Variants in SPAG17 observed in about 807,000 individuals in gnomAD.
The protein encoded by SPAG17 is sperm-associated antigen 17.
In SPAG17, 169 loss-of-function variants were observed where a neutral mutation model predicts 273.6. The ratio of observed to expected loss-of-function variants is 0.62; its 90% CI spans 0.55 to 0.70. SPAG17 has a LOEUF of 0.70. Ranked by LOEUF, SPAG17 falls within the 30% of genes least tolerant of loss-of-function variation. The pLI, the probability that SPAG17 is intolerant of heterozygous loss-of-function variation, is 0.00. For synonymous variants in SPAG17, 825 were observed against 873.2 expected (o/e 0.94, Z 0.97); for missense variants, 2,557 against 2,627.8 (o/e 0.97, Z 0.59).
In SPAG17 at chr1:118,170,455, G is replaced by T. The variant is rs140620684; in HGVS notation, c.87+14616C>A. Among the ~76,000 whole-genome samples, 139 of 152,264 alleles carry T rather than the reference G, an allele frequency of 9.1e-4. 1 individual carries two copies. The highest frequency in any genetic ancestry group is 3.2e-3 in the African/African-American group (135 of 41,556). On this transcript the variant is annotated intron_variant, in intron 1 of 48. Coordinates refer to ENST00000336338, the MANE Select transcript of SPAG17 (RefSeq NM_206996.4). The stretch of plus-strand genomic sequence containing the variant: ...AGACATGCTTTAAGAGAGCCTCAAA[G>T]ATTGGATGGATGAGCAAGGAGTGGA...
intron 34 of SPAG17, 112 bp downstream of exon 34, chr1:117,996,258 G>C: frequency 1.5e-6 from 2 of 1,320,404 alleles, no homozygotes; most frequent in Non-Finnish European, 2.0e-6. Context: ...AAGTAGAGCA[G>C]AAAAGTGAGC....
intron 46 of SPAG17, 123 bp from the exon 47 acceptor site, chr1:117,966,876 G>T (rs528984955): frequency 3.1e-5 from 24 of 783,642 alleles, no homozygotes; most frequent in Non-Finnish European, 4.3e-5. Context: ...TATAAATTTG[G>T]CACTAACAAA....
chr1:118,004,712 GT>G (rs1264372312), intron 32 of SPAG17, among the ~76,000 whole-genome samples: 6 of 152,350 alleles, frequency 3.9e-5, no homozygotes, highest in Admixed American at 2.0e-4. Flanking sequence ...TCCAGGTACA[GT>G]TTGTCATGGT....
chr1:118,021,274 T>C (rs1177905621), intron 28 of SPAG17, among the ~76,000 whole-genome samples: 1 of 152,110 alleles, frequency 6.6e-6, no homozygotes, highest in Non-Finnish European at 1.5e-5. Flanking sequence ...CTTAAATGCA[T>C]ATTACTAAGT....
intron 26 of SPAG17, among the ~76,000 whole-genome samples, chr1:118,026,473 A>C (rs545488160): frequency 4.3e-4 from 66 of 152,348 alleles, no homozygotes; most frequent in African/African-American, 1.5e-3. Context: ...CACCCCTTAA[A>C]TCACAGAAGT....
rs763417657 is a variant in SPAG17 at position 117,996,430 on chromosome 1, AT to A, written c.4992del (p.Ser1665LeufsTer23). On this transcript the variant is annotated frameshift_variant, in exon 34 of 49. Coordinates refer to ENST00000336338, the MANE Select transcript of SPAG17 (RefSeq NM_206996.4). LOFTEE classifies it high-confidence loss of function. ...LLRDSDIEEY[L>X]SLAYKESNTV... ...GTATTTGATTCTTTATATGCCAAAG[AT>A]AGATATTCTTCTATGTCACTGTCTC... The A allele has an allele frequency of 3.7e-6, 6 of 1,613,040 alleles. No individual in the cohort carries two copies. Among genetic ancestry groups the A allele is most frequent in the Non-Finnish European group, 4.2e-6 (5 of 1,179,440 alleles).
chr1:118,075,221 C>A (rs531953472), intron 15 of SPAG17, among the ~76,000 whole-genome samples: 42 of 152,284 alleles, frequency 2.8e-4, no homozygotes, highest in Non-Finnish European at 4.1e-4. Flanking sequence ...ATAAATGAAG[C>A]GGTACCTGGA....
chr1:118,082,570 A>G (rs570927111), intron 13 of SPAG17, among the ~76,000 whole-genome samples: 35 of 152,186 alleles, frequency 2.3e-4, no homozygotes, highest in Admixed American at 3.9e-4. Context: ...GGCATCATTA[A>G]CTATAATGAA....
intron 13 of SPAG17, among the ~76,000 whole-genome samples, chr1:118,085,494 G>A (rs955282077): frequency 3.3e-5 from 5 of 152,208 alleles, no homozygotes; most frequent in African/African-American, 1.2e-4. Flanking sequence ...CATTGTCCTG[G>A]AAATTATATG....
Position 117,955,145 on chromosome 1 carries a change from G to A in SPAG17, c.*1-1096C>T. The A allele has an allele frequency of 1.2e-5, 6 of 517,138 alleles. No individual in the cohort carries two copies. In the South Asian group the frequency reaches 2.2e-4, roughly 19 times the overall value. The allele number at this position is 517,138 out of a possible 1,614,324, so 32.0% of individuals were successfully genotyped here. ...CATAGTTGGTAAGGGGCAGAGTTCAGTTGTCAACCCAGATCTGACTGACTC... is the reference window on the plus strand; with the variant it reads ...CATAGTTGGTAAGGGGCAGAGTTCAATTGTCAACCCAGATCTGACTGACTC... On this transcript the variant is annotated intron_variant, in intron 48 of 48. Coordinates refer to ENST00000336338, the MANE Select transcript of SPAG17 (RefSeq NM_206996.4).
chr1:118,101,322 G>A (rs1204681144), intron 5 of SPAG17, among the ~76,000 whole-genome samples: 2 of 152,206 alleles, frequency 1.3e-5, no homozygotes, highest in African/African-American at 4.8e-5. Context: ...GGGAGGCTGA[G>A]GTGGAAGGAT....
At chr1:118,099,538 T>G in intron 6 of SPAG17, 68 bp downstream of exon 6, 1 of 1,375,272 alleles carries the variant, frequency 7.3e-7, no homozygotes. Context: ...GACAGAAAAT[T>G]ATATTTGTAC....
chr1:118,118,025 T>A (rs773001513), intron 3 of SPAG17, among the ~76,000 whole-genome samples: 5 of 152,232 alleles, frequency 3.3e-5, no homozygotes, highest in Non-Finnish European at 5.9e-5. Context: ...ATTTCAAAAT[T>A]CTTTCTTCTG....
chr1:118,085,478 G>A (rs1328318234), intron 13 of SPAG17, among the ~76,000 whole-genome samples: 1 of 151,676 alleles, frequency 6.6e-6, no homozygotes, highest in East Asian at 2.0e-4. Flanking sequence ...GAAGACAGAA[G>A]GACAGCATTG....
At chr1:118,168,502 C>T (rs775560422) in intron 1 of SPAG17, among the ~76,000 whole-genome samples, 24 of 152,126 alleles carry the variant, frequency 1.6e-4, no homozygotes, top group Admixed American at 2.6e-4. Flanking sequence ...CATGAGGCTA[C>T]GGTAGTAACA....
chr1:118,079,620 AT>A (rs1654375573), intron 15 of SPAG17, among the ~76,000 whole-genome samples: 1 of 151,834 alleles, frequency 6.6e-6, no homozygotes, highest in African/African-American at 2.4e-5. Flanking sequence ...TTGATTTAAT[AT>A]TTTTTGTTGT....
At chr1:118,090,497 C>T (rs1306354669) in intron 10 of SPAG17, among the ~76,000 whole-genome samples, 3 of 151,856 alleles carry the variant, frequency 2.0e-5, no homozygotes, top group African/African-American at 7.3e-5. Flanking sequence ...AAATGTATAG[C>T]CTTAAATAAA....
intron 1 of SPAG17, among the ~76,000 whole-genome samples, chr1:118,153,309 A>T (rs1167345844): frequency 6.6e-6 from 1 of 152,226 alleles, no homozygotes; most frequent in African/African-American, 2.4e-5. Flanking sequence ...ATTATCTTAT[A>T]GATGGAAAAA....
intron 3 of SPAG17, among the ~76,000 whole-genome samples, chr1:118,148,255 C>T (rs1659159947): frequency 6.6e-6 from 1 of 152,188 alleles, no homozygotes; most frequent in African/African-American, 2.4e-5. Context: ...TTCCTCGTCT[C>T]ACTGACTTCA....
Sources: gnomAD v4.1 joint callset for allele counts (sites outside exome capture counted in the v4.1 genomes callset) on GRCh38, gnomAD v4.1.1 for gene constraint, MANE v1.5 for transcripts, NCBI Gene and HGNC (gene_info 2026-07-23, HGNC 2026-07-21) for gene names.